CDYL2: variants seen among roughly 807,000 people sequenced by gnomAD.
The protein encoded by CDYL2 is chromodomain Y like 2.
In CDYL2, 23 loss-of-function variants were observed where a neutral mutation model predicts 49.4. That is an observed-to-expected ratio of 0.47 (90% confidence interval 0.34 to 0.66). The LOEUF is 0.66. Ranked by LOEUF, CDYL2 falls within the 30% of genes least tolerant of loss-of-function variation. The pLI, the probability that CDYL2 is intolerant of heterozygous loss-of-function variation, is 0.01. For synonymous variants in CDYL2, 360 were observed against 268.8 expected (o/e 1.34, Z -3.32); for missense variants, 678 against 656.4 (o/e 1.03, Z -0.36).
intron 1 of CDYL2, among the ~76,000 whole-genome samples, chr16:80,725,203 C>CACAA (rs1905126142): frequency 7.2e-6 from 1 of 138,686 alleles, no homozygotes; most frequent in African/African-American, 2.7e-5. Context: ...CACATACACA[C>CACAA]ACACATACAC....
chr16:80,754,019 C>G (rs1306909701), intron 1 of CDYL2, among the ~76,000 whole-genome samples: 1 of 152,166 alleles, frequency 6.6e-6, no homozygotes, highest in Non-Finnish European at 1.5e-5. Flanking sequence ...CCTTACTGTA[C>G]ATAAGGCCCT....
chr16:80,709,867 C>T (rs1904534345), intron 1 of CDYL2, among the ~76,000 whole-genome samples: 1 of 152,032 alleles, frequency 6.6e-6, no homozygotes, highest in Admixed American at 6.6e-5. Flanking sequence ...TGATTTTGTA[C>T]CCCAATCCTA....
chr16:80,758,749 A>G (rs1906407548), intron 1 of CDYL2, among the ~76,000 whole-genome samples: 1 of 151,846 alleles, frequency 6.6e-6, no homozygotes, highest in Non-Finnish European at 1.5e-5. Context: ...TCACCGTGTT[A>G]GCCAGGATGG....
At chr16:80,801,712 A>AC (rs1327591785) in intron 1 of CDYL2, among the ~76,000 whole-genome samples, 4 of 152,244 alleles carry the variant, frequency 2.6e-5, no homozygotes, top group African/African-American at 9.6e-5. Context: ...AAGGCCAGTC[A>AC]ACATACACTG....
intron 1 of CDYL2, among the ~76,000 whole-genome samples, chr16:80,714,393 T>C (rs7200653): frequency 0.035 from 5,355 of 152,318 alleles, 336 homozygotes; most frequent in African/African-American, 0.12. Flanking sequence ...ATTAACCTTA[T>C]TTGATTGCTA....
chr16:80,755,614 T>C (rs967334517), intron 1 of CDYL2, among the ~76,000 whole-genome samples: 2 of 152,190 alleles, frequency 1.3e-5, no homozygotes, highest in Non-Finnish European at 2.9e-5. Context: ...GAGATACTTA[T>C]CCTCAGAAAC....
At chr16:80,679,623 T>G in intron 2 of CDYL2, 1 of 451,098 alleles carries the variant, frequency 2.2e-6, no homozygotes, top group South Asian at 1.6e-5. Flanking sequence ...ACTTATACTC[T>G]AAAACTTTCA....
At chr16:80,661,271 T>A (rs1263278025) in intron 2 of CDYL2, among the ~76,000 whole-genome samples, 1 of 152,084 alleles carries the variant, frequency 6.6e-6, no homozygotes, top group Non-Finnish European at 1.5e-5. Flanking sequence ...AACACAGCCA[T>A]CCTCAGAAAC....
intron 1 of CDYL2, among the ~76,000 whole-genome samples, chr16:80,747,913 C>A (rs1310790724): frequency 2.0e-5 from 3 of 151,990 alleles, no homozygotes; most frequent in African/African-American, 7.2e-5. Context: ...GACACCAGTA[C>A]CACAAAACCT....
intron 1 of CDYL2, among the ~76,000 whole-genome samples, chr16:80,794,777 C>T (rs1310206148): frequency 6.6e-6 from 1 of 151,832 alleles, no homozygotes; most frequent in East Asian, 1.9e-4. Flanking sequence ...ACACACCCGG[C>T]TAATTTTGTG....
At chr16:80,676,808 C>G (rs560122636) in intron 2 of CDYL2, among the ~76,000 whole-genome samples, 1 of 152,062 alleles carries the variant, frequency 6.6e-6, no homozygotes, top group Admixed American at 6.6e-5. Context: ...TTCCTGTTCT[C>G]CATAATCATT....
chr16:80,715,663 C>T (rs907975777), intron 1 of CDYL2, among the ~76,000 whole-genome samples: 10 of 152,136 alleles, frequency 6.6e-5, no homozygotes, highest in South Asian at 2.1e-4. Context: ...ACTCCCTCTC[C>T]CTGTTTAAAA....
chr16:80,639,324 C>A (rs769730480), intron 2 of CDYL2, among the ~76,000 whole-genome samples: 3 of 152,198 alleles, frequency 2.0e-5, no homozygotes, highest in Admixed American at 1.3e-4. Context: ...AGTCTTACCA[C>A]ATCAACCAGC....
intron 2 of CDYL2, among the ~76,000 whole-genome samples, chr16:80,664,923 C>T (rs527899319): frequency 4.6e-5 from 7 of 152,290 alleles, no homozygotes; most frequent in Admixed American, 2.6e-4. Context: ...TCAGTAAATG[C>T]TGGCTATTTT....
intron 4 of CDYL2, among the ~76,000 whole-genome samples, chr16:80,616,936 T>A (rs766801017): frequency 1.3e-5 from 2 of 152,178 alleles, no homozygotes; most frequent in Admixed American, 1.3e-4. Context: ...TACCCAAAGC[T>A]CCACCACCAG....
intron 5 of CDYL2, among the ~76,000 whole-genome samples, chr16:80,611,952 T>C (rs1906616694): frequency 6.6e-6 from 1 of 152,226 alleles, no homozygotes; most frequent in African/African-American, 2.4e-5. Flanking sequence ...TTCTCTGAGC[T>C]TAACGTTCCA....
chr16:80,785,552 G>C (rs930598744), intron 1 of CDYL2, among the ~76,000 whole-genome samples: 2 of 152,124 alleles, frequency 1.3e-5, no homozygotes, highest in South Asian at 4.2e-4. Flanking sequence ...GTAATTTATA[G>C]ATTCAATGCT....
intron 2 of CDYL2, among the ~76,000 whole-genome samples, chr16:80,681,195 G>A (rs1270692131): frequency 2.0e-5 from 3 of 152,090 alleles, no homozygotes; most frequent in Non-Finnish European, 4.4e-5. Flanking sequence ...AAAAGCAACA[G>A]CCCACCCCCA....
intron 1 of CDYL2, among the ~76,000 whole-genome samples, chr16:80,739,770 G>A (rs759050935): frequency 6.6e-6 from 1 of 152,176 alleles, no homozygotes; most frequent in Non-Finnish European, 1.5e-5. Context: ...GAGACAGAGA[G>A]GTCACTGCCT....
Sources: allele counts gnomAD v4.1 joint callset (sites outside exome capture counted in the v4.1 genomes callset), GRCh38; gene constraint gnomAD v4.1.1; transcripts MANE v1.5; gene names NCBI Gene and HGNC (gene_info 2026-07-23, HGNC 2026-07-21).